FOXJ2: variants seen among roughly 807,000 people sequenced by gnomAD.
FOXJ2 encodes forkhead box J2, also known as forkhead box protein J2.
A neutral mutation model predicts 68.4 loss-of-function variants in FOXJ2; 18 were observed. The ratio of observed to expected loss-of-function variants is 0.26; its 90% CI spans 0.18 to 0.39. FOXJ2 has a LOEUF of 0.39. Among genes scored for constraint, FOXJ2 ranks in the 10% least tolerant of loss-of-function variants. The pLI, the probability that FOXJ2 is intolerant of heterozygous loss-of-function variation, is 1.00. For missense variants in FOXJ2, 670 were observed against 726.5 expected (o/e 0.92, Z 0.89); for synonymous variants, 274 against 263.2 (o/e 1.04, Z -0.40).
intron 9 of FOXJ2, 38 bp downstream of exon 9, chr12:8,049,609 A>G (rs754764218): frequency 2.0e-6 from 3 of 1,510,534 alleles, no homozygotes; most frequent in Admixed American, 4.4e-5. Flanking sequence ...GGTGGAGACT[A>G]TGTTGAAAAG....
At chr12:8,043,116 C>T (rs774136978) in intron 3 of FOXJ2, among the ~76,000 whole-genome samples, 1 of 148,018 alleles carries the variant, frequency 6.8e-6, no homozygotes, top group East Asian at 2.0e-4. Context: ...ACTCAGGAGG[C>T]TGAGGCAGGA....
At chr12:8,037,628 T>G (rs1010774755) in intron 1 of FOXJ2, among the ~76,000 whole-genome samples, 2 of 152,148 alleles carry the variant, frequency 1.3e-5, no homozygotes, top group Non-Finnish European at 2.9e-5. Flanking sequence ...CTCCGTGCTC[T>G]TAAGATGAAA....
At chr12:8,049,194 GA>G (rs1199472678) in intron 8 of FOXJ2, among the ~76,000 whole-genome samples, 167 bp from the exon 9 acceptor site, 1 of 152,212 alleles carries the variant, frequency 6.6e-6, no homozygotes, top group Non-Finnish European at 1.5e-5. Flanking sequence ...GGATCAAATA[GA>G]ATGAGAGTTT....
At chr12:8,050,677 T>G (rs17801353) in intron 10 of FOXJ2, 57 bp downstream of exon 10, 549,007 of 1,590,098 alleles carry the variant, frequency 0.35, 99,363 homozygotes, top group Middle Eastern at 0.4. Flanking sequence ...TGCTTTGCTT[T>G]CCTTTGACTC....
At chr12:8,042,757 AAGG>A (rs750244685) in intron 3 of FOXJ2, 25 bp downstream of exon 3, 14 of 1,589,950 alleles carry the variant, frequency 8.8e-6, no homozygotes, top group Non-Finnish European at 1.1e-5. Flanking sequence ...TAAGCATTGA[AAGG>A]AGGAGTAGGA....
At chr12:8,043,593 A>G (rs1376938170) in intron 3 of FOXJ2, 108 bp from the exon 4 acceptor site, 5 of 1,072,962 alleles carry the variant, frequency 4.7e-6, no homozygotes, top group African/African-American at 1.6e-5. Flanking sequence ...TACCTCTGGC[A>G]TACTCAGTGA....
chr12:8,050,636 C>A lies in FOXJ2; in HGVS notation c.1636+16C>A. 1 of 1,613,736 alleles carries A rather than the reference C, an allele frequency of 6.2e-7. No individual in the cohort carries two copies. The highest frequency in any genetic ancestry group is 8.5e-7 in the Non-Finnish European group (1 of 1,179,726). On this transcript the variant is annotated intron_variant, in intron 10 of 10. Transcript: ENST00000162391. ...AATCGCCCAGGTAAGAGCTAAGAAG[C>A]TTGTTTCAAAACCGTTGTACTCTGA...
rs760968838 is a variant in FOXJ2, at chr12:8,038,128, TG to T, written c.-14-1690del. On this transcript the variant is annotated intron_variant, in intron 1 of 10. Coordinates refer to ENST00000162391, the MANE Select transcript of FOXJ2 (RefSeq NM_018416.3). This position sits in a 1 kb window ranked among gnomAD's most constrained non-coding sequence, Gnocchi z 5.3. ...GGCACTAAGGTGTTTCCTTCAGCCT[TG>T]TGGAGTGAGTGTGTTGCTGGTTAGG... Among the ~76,000 whole-genome samples, 2 of 152,266 alleles carry T rather than the reference TG, an allele frequency of 1.3e-5. No homozygotes were observed. The highest frequency in any genetic ancestry group is 3.9e-4 in the East Asian group (2 of 5,162).
chr12:8,055,205 G>A lies in FOXJ2; in HGVS notation c.*2355G>A, dbSNP rs951830945. 3 of 152,688 alleles carry A rather than the reference G, an allele frequency of 2.0e-5. No individual in the cohort carries two copies. Among genetic ancestry groups the A allele is most frequent in the Admixed American group, 6.5e-5 (1 of 15,284 alleles). The allele number at this position is 152,688 out of a possible 1,614,324, so 9.5% of individuals were successfully genotyped here. ...TTGGTCTAGCATTGCTGGACACAAA[G>A]TGTAGTCATTATTGTTGTATTGGGT... On this transcript the variant is annotated 3_prime_UTR_variant, in exon 11 of 11. Transcript: ENST00000162391.
In FOXJ2 at chr12:8,044,949, T is replaced by A; in HGVS notation, c.808T>A (p.Ser270Thr). 1 of 1,614,230 alleles carries A rather than the reference T, an allele frequency of 6.2e-7. No homozygotes were observed. The highest frequency in any genetic ancestry group is 8.5e-7 in the Non-Finnish European group (1 of 1,180,022). The change falls in exon 6 of 11, where the codon TCT (serine) becomes ACT (threonine). Residue 270 changes from serine (S) to threonine (T), a missense_variant. Physicochemically the swap from Ser to Thr is moderately conservative, Grantham distance 58. Coordinates refer to ENST00000162391, the MANE Select transcript of FOXJ2 (RefSeq NM_018416.3). ...CATGCTGGAGAAGTCCTCTTCCTCC[T>A]CTCAGCACGGTGAGTCTGGAGTTGG... ...KSMLEKSSSS[S>T]QHGFSSLLGD...
intron 9 of FOXJ2, 128 bp from the exon 10 acceptor site, chr12:8,050,394 G>A: frequency 7.0e-7 from 1 of 1,420,774 alleles, no homozygotes; most frequent in Non-Finnish European, 9.2e-7. Flanking sequence ...ATGCCTGCAG[G>A]AGCTACAGAA....
chr12:8,040,788 C>G lies in FOXJ2; in HGVS notation c.333+623C>G, dbSNP rs1946955085. On this transcript the variant is annotated intron_variant, in intron 2 of 10. Transcript: ENST00000162391. The surrounding 1 kb of genome is among the most constrained non-coding windows in gnomAD (Gnocchi z 4.0). ...CATTTCACAAATGTTTATTGCCATT[C>G]TACGATGTTCCAGTCACTGTGCAAG... Among the ~76,000 whole-genome samples the G allele has an allele frequency of 6.6e-6, 1 of 152,178 alleles. No homozygotes were observed. The highest frequency in any genetic ancestry group is 1.5e-5 in the Non-Finnish European group (1 of 68,024).
At chr12:8,045,055 T>C in intron 6 of FOXJ2, 97 bp downstream of exon 6, 1 of 1,278,894 alleles carries the variant, frequency 7.8e-7, no homozygotes, top group East Asian at 2.3e-5. Context: ...TTATTTTTAT[T>C]TTTTGTGAGA....
rs751475050 is a variant in FOXJ2, at chr12:8,044,925, A to C, written c.784A>C (p.Met262Leu). 1 of 1,614,228 alleles carries C rather than the reference A, an allele frequency of 6.2e-7. No individual in the cohort carries two copies. The highest frequency in any genetic ancestry group is 1.1e-5 in the South Asian group (1 of 91,088). Residue 262 changes from methionine to leucine, a missense_variant, in exon 6 of 11, where the codon ATG becomes CTG. Around this residue, in one of 2 missense-constraint regions of FOXJ2, gnomAD observed 555 missense variants for 562.2 expected, o/e 0.99. Transcript: ENST00000162391. Reference protein sequence around the residue: ...SWSFRNLYKSMLEKSSSSSQH... With the variant: ...SWSFRNLYKSLLEKSSSSSQH... ...GTCCTTCCGCAACCTCTATAAGTCC[A>C]TGCTGGAGAAGTCCTCTTCCTCCTC...
At chr12:8,049,781 T>G (rs1175116365) in intron 9 of FOXJ2, 1 of 471,174 alleles carries the variant, frequency 2.1e-6, no homozygotes, top group Admixed American at 3.9e-5. Context: ...TGATTCCTTT[T>G]TAGACCTCAG....
intron 10 of FOXJ2, 63 bp from the exon 11 acceptor site, chr12:8,052,699 T>G: frequency 7.1e-7 from 1 of 1,404,492 alleles, no homozygotes; most frequent in Non-Finnish European, 9.8e-7. Context: ...GCACTGTCCT[T>G]GTAAATTGAG....
In FOXJ2 at chr12:8,050,563, G is replaced by C. The variant is rs777352728; in HGVS notation, c.1579G>C (p.Gly527Arg). Residue 527 changes from glycine to arginine, a missense_variant, in exon 10 of 11, where the codon GGC becomes CGC. Around this residue, in one of 2 missense-constraint regions of FOXJ2, gnomAD observed 555 missense variants for 562.2 expected, o/e 0.99. Transcript: ENST00000162391. ...GHPQAPHLYP[G>R]PSPMYPIPTQ... The stretch of plus-strand genomic sequence containing the variant: ...CCCACAAGCTCCCCACCTCTACCCT[G>C]GCCCATCACCAATGTACCCAATCCC... 2.5e-6 allele frequency: 4 copies of C among 1,613,542 alleles called. No individual in the cohort carries two copies. Among genetic ancestry groups the C allele is most frequent in the Non-Finnish European group, 3.4e-6 (4 of 1,179,840 alleles).
intron 10 of FOXJ2, among the ~76,000 whole-genome samples, chr12:8,051,766 C>T (rs911885643): frequency 3.3e-5 from 5 of 152,132 alleles, no homozygotes; most frequent in South Asian, 2.1e-4. Context: ...CCTAACCACA[C>T]GTGTTTTCAA....
At position 8,049,381 on chromosome 12, in the gene FOXJ2, A is replaced by T; in HGVS notation, c.1347A>T (p.Arg449=). ...TTGTAGAACTGATGGAGAGTCTACG[A>T]CAGGCAGAGCAGAAGAACTGGACCC... is the stretch of plus-strand genomic sequence containing the variant. The part of the protein sequence containing the change: ...SQFSELMESL[R]QAEQKNWTLD... Residue 449 remains arginine, a synonymous_variant, in exon 9 of 11, where the codon CGA becomes CGT. Transcript: ENST00000162391. 6.2e-7 allele frequency: 1 copy of T among 1,613,408 alleles called. No individual in the cohort carries two copies. Among genetic ancestry groups the T allele is most frequent in the Non-Finnish European group, 8.5e-7 (1 of 1,179,610 alleles).
Sources: allele counts gnomAD v4.1 joint callset (sites outside exome capture counted in the v4.1 genomes callset), GRCh38; gene constraint gnomAD v4.1.1; regional missense constraint gnomAD v4.1.1; non-coding constraint Gnocchi (gnomAD v3.1); transcripts MANE v1.5; gene names NCBI Gene and HGNC (gene_info 2026-07-23, HGNC 2026-07-21).